The following GRM7 variants were observed in gnomAD, a reference collection of about 807,000 sequenced individuals.
GRM7 encodes the protein metabotropic glutamate receptor 7.
In GRM7, 35 loss-of-function variants were observed where a neutral mutation model predicts 84.5. The observed-to-expected ratio is 0.41, with a 90% CI of 0.32 to 0.55. The LOEUF (loss-of-function observed/expected upper bound fraction) is 0.55, where lower values mean the gene tolerates loss of function less well. Ranked by LOEUF, GRM7 falls within the 20% of genes least tolerant of loss-of-function variation. The pLI is 0.19. For missense variants in GRM7, 1,003 were observed against 1,194.6 expected, an observed-to-expected ratio of 0.84 and a Z score of 2.36; for synonymous variants, 487 against 455.1, an observed-to-expected ratio of 1.07 and a Z score of -0.89.
intron 9 of GRM7, among the ~76,000 whole-genome samples, chr3:7,705,769 C>T (rs564741207): frequency 1.3e-4 from 20 of 152,182 alleles, no homozygotes; most frequent in Non-Finnish European, 2.4e-4. Flanking sequence ...AATTAATATA[C>T]ATCAAGTGGC....
At chr3:7,048,744 A>G (rs1054101357) in intron 1 of GRM7, among the ~76,000 whole-genome samples, 2 of 151,984 alleles carry the variant, frequency 1.3e-5, no homozygotes, top group East Asian at 1.9e-4. Context: ...ACGAACACTT[A>G]AAGTCTGTCT....
intron 8 of GRM7, among the ~76,000 whole-genome samples, chr3:7,599,696 AAGAC>A (rs1696225491): frequency 6.6e-6 from 1 of 152,212 alleles, no homozygotes. Context: ...GATTGTCAGA[AAGAC>A]AGATAAGATT....
intron 1 of GRM7, among the ~76,000 whole-genome samples, chr3:7,062,224 A>C (rs920746932): frequency 6.6e-6 from 1 of 151,764 alleles, no homozygotes; most frequent in Non-Finnish European, 1.5e-5. Flanking sequence ...AGATGAAAGG[A>C]GAGACGAATG....
chr3:7,077,626 A>C (rs1698139379), intron 1 of GRM7, among the ~76,000 whole-genome samples: 1 of 150,202 alleles, frequency 6.7e-6, no homozygotes, highest in Non-Finnish European at 1.5e-5. Context: ...AGTGTAGATG[A>C]TGGGTCGATG....
intron 2 of GRM7, among the ~76,000 whole-genome samples, chr3:7,237,954 A>G (rs1032967458): frequency 6.6e-6 from 1 of 152,112 alleles, no homozygotes; most frequent in African/African-American, 2.4e-5. Flanking sequence ...CTTTAGCTAG[A>G]CACAGAGTGC....
At chr3:7,049,575 A>T (rs1696922358) in intron 1 of GRM7, among the ~76,000 whole-genome samples, 1 of 151,962 alleles carries the variant, frequency 6.6e-6, no homozygotes, top group Non-Finnish European at 1.5e-5. Context: ...TGCAGTATAT[A>T]TAACAAGGGA....
At chr3:7,454,097 C>A (rs1462584908) in intron 6 of GRM7, among the ~76,000 whole-genome samples, 7 of 146,380 alleles carry the variant, frequency 4.8e-5, no homozygotes, top group Non-Finnish European at 1.0e-4. Flanking sequence ...CACACTCTCT[C>A]TCTCTCTCTC....
chr3:7,624,955 G>T (rs1697538147), intron 8 of GRM7, among the ~76,000 whole-genome samples: 1 of 152,156 alleles, frequency 6.6e-6, no homozygotes, highest in African/African-American at 2.4e-5. Flanking sequence ...ATGAGAGTTG[G>T]GAGAGGGGCA....
At chr3:7,737,541 C>G (rs1466906179) in intron 9 of GRM7, among the ~76,000 whole-genome samples, 1 of 152,134 alleles carries the variant, frequency 6.6e-6, no homozygotes, top group Non-Finnish European at 1.5e-5. Context: ...ATGGAATTAT[C>G]AGACACCACA....
chr3:7,234,811 C>G (rs113483928), intron 2 of GRM7, among the ~76,000 whole-genome samples: 5 of 152,180 alleles, frequency 3.3e-5, no homozygotes, highest in African/African-American at 1.2e-4. Flanking sequence ...CTGATATTTT[C>G]CAGAATATAC....
At chr3:7,181,629 G>T (rs945058375) in intron 2 of GRM7, among the ~76,000 whole-genome samples, 8 of 151,868 alleles carry the variant, frequency 5.3e-5, no homozygotes, top group African/African-American at 1.9e-4. Flanking sequence ...TTATTTTTGA[G>T]GCAGAGTCTT....
At chr3:7,203,186 A>G (rs1696123248) in intron 2 of GRM7, among the ~76,000 whole-genome samples, 1 of 150,970 alleles carries the variant, frequency 6.6e-6, no homozygotes, top group African/African-American at 2.4e-5. Context: ...TGTACCCATG[A>G]ACCAACCTCT....
At chr3:7,197,884 A>G (rs955182731) in intron 2 of GRM7, among the ~76,000 whole-genome samples, 2 of 152,144 alleles carry the variant, frequency 1.3e-5, no homozygotes, top group African/African-American at 4.8e-5. Context: ...GAGAAGACCA[A>G]TTTCTTCATT....
At chr3:7,340,358 CA>C (rs1314623857) in intron 4 of GRM7, among the ~76,000 whole-genome samples, 1 of 152,130 alleles carries the variant, frequency 6.6e-6, no homozygotes, top group Non-Finnish European at 1.5e-5. Context: ...AGGAAACTTA[CA>C]ATCATGGCAG....
intron 8 of GRM7, among the ~76,000 whole-genome samples, chr3:7,617,318 G>C (rs75815515): frequency 6.6e-6 from 1 of 152,238 alleles, no homozygotes; most frequent in African/African-American, 2.4e-5. Flanking sequence ...AAATCATGAG[G>C]ATAAGATGTT....
At chr3:7,677,261 TTAAAAAA>T (rs1400123384) in intron 8 of GRM7, among the ~76,000 whole-genome samples, 2,578 of 103,276 alleles carry the variant, frequency 0.025, 103 homozygotes, top group African/African-American at 0.077. Context: ...GACTCTGTCT[TTAAAAAA>T]AAAAAAAAAA....
chr3:7,509,923 C>G (rs1377088418), intron 7 of GRM7, among the ~76,000 whole-genome samples: 1 of 152,060 alleles, frequency 6.6e-6, no homozygotes, highest in Non-Finnish European at 1.5e-5. Flanking sequence ...TTTTTAATTA[C>G]CTGTCATCTT....
At chr3:7,356,003 T>G (rs193115360) in intron 4 of GRM7, among the ~76,000 whole-genome samples, 11 of 152,128 alleles carry the variant, frequency 7.2e-5, no homozygotes, top group Admixed American at 4.6e-4. Context: ...TGACATCCCC[T>G]AAGGATGTTG....
chr3:7,661,651 G>A (rs866604575), intron 8 of GRM7, among the ~76,000 whole-genome samples: 9 of 151,794 alleles, frequency 5.9e-5, no homozygotes, highest in East Asian at 1.9e-4. Context: ...AAAATTAGCC[G>A]GGCGTCGTGG....
Sources: allele counts gnomAD v4.1 joint callset (sites outside exome capture counted in the v4.1 genomes callset), GRCh38; gene constraint gnomAD v4.1.1; transcripts MANE v1.5; gene names NCBI Gene and HGNC (gene_info 2026-07-23, HGNC 2026-07-21).